The following PTPN14 variants were observed in gnomAD, a reference collection of about 807,000 sequenced individuals.
PTPN14 encodes the protein protein tyrosine phosphatase non-receptor type 14.
PTPN14 carries 53 observed loss-of-function variants against 126.8 expected under a neutral mutation model. That is an observed-to-expected ratio of 0.42 (90% CI 0.34 to 0.53). PTPN14 has a LOEUF of 0.53. Ranked by LOEUF, PTPN14 falls within the 20% of genes least tolerant of loss-of-function variation. PTPN14 has a pLI of 0.08. For synonymous variants in PTPN14, 630 were observed against 599.3 expected, an observed-to-expected ratio of 1.05 and a Z score of -0.75; for missense variants, 1,257 against 1,552.9, an observed-to-expected ratio of 0.81 and a Z score of 3.20.
chr1:214,542,899 T>G (rs910292164), intron 1 of PTPN14, among the ~76,000 whole-genome samples: 1 of 152,212 alleles, frequency 6.6e-6, no homozygotes. Context: ...TTCACTTTCA[T>G]GACCATGAAA....
chr1:214,359,522 C>T (rs918290625), intron 18 of PTPN14, among the ~76,000 whole-genome samples: 3 of 151,844 alleles, frequency 2.0e-5, no homozygotes, highest in Admixed American at 2.0e-4. Context: ...TGCGCCTGGC[C>T]GAGAACACCT....
chr1:214,477,986 A>G (rs1660902459), intron 1 of PTPN14, among the ~76,000 whole-genome samples: 1 of 152,262 alleles, frequency 6.6e-6, no homozygotes, highest in Admixed American at 6.5e-5. Flanking sequence ...AGAAATCCAC[A>G]GAAAAATACA....
chr1:214,418,143 T>C lies in PTPN14; in HGVS notation c.345-3417A>G, dbSNP rs150802529. Among the ~76,000 whole-genome samples, 346 of 152,304 alleles carry C rather than the reference T, an allele frequency of 2.3e-3. 2 individuals carry two copies. Among genetic ancestry groups the C allele is most frequent in the Non-Finnish European group, 1.9e-3 (128 of 68,032 alleles). ...CCCAAGCAAAAGTGTCCAGAGCCAG[T>C]GACCGGTTCTCCACCTCTGCTTCCC... is the stretch of plus-strand genomic sequence containing the variant. On this transcript the variant is annotated intron_variant, in intron 3 of 18. Transcript: ENST00000366956.
chr1:214,486,022 G>C (rs144275548), intron 1 of PTPN14, among the ~76,000 whole-genome samples: 1 of 152,074 alleles, frequency 6.6e-6, no homozygotes, highest in Non-Finnish European at 1.5e-5. Flanking sequence ...CACCGCACCC[G>C]GCCTAGTCTT....
chr1:214,525,816 A>T (rs6662947), intron 1 of PTPN14, among the ~76,000 whole-genome samples: 25,180 of 152,112 alleles, frequency 0.17, 3,171 homozygotes, highest in African/African-American at 0.34. Context: ...ACAGGCGTGC[A>T]CTTTCCACTA....
chr1:214,386,205 G>C (rs1658605253), intron 12 of PTPN14, among the ~76,000 whole-genome samples: 1 of 152,126 alleles, frequency 6.6e-6, no homozygotes, highest in Non-Finnish European at 1.5e-5. Flanking sequence ...GATGACATAA[G>C]ACAATATATA....
chr1:214,424,523 A>G (rs909881939), intron 3 of PTPN14, among the ~76,000 whole-genome samples: 1 of 147,400 alleles, frequency 6.8e-6, no homozygotes, highest in Non-Finnish European at 1.5e-5. Context: ...GGGACACCCC[A>G]CTTTCTTTCT....
chr1:214,495,701 T>G (rs1050414151), intron 1 of PTPN14, among the ~76,000 whole-genome samples: 29 of 135,112 alleles, frequency 2.1e-4, no homozygotes, highest in Non-Finnish European at 4.4e-4. Flanking sequence ...ATTTATTTAT[T>G]TATTTACTTC....
chr1:214,402,851 G>A, intron 6 of PTPN14, 32 bp downstream of exon 6: 1 of 1,607,878 alleles, frequency 6.2e-7, no homozygotes, highest in Non-Finnish European at 8.5e-7. Context: ...CATCTGTTGT[G>A]CAGGCAGCCC....
chr1:214,434,106 T>A (rs902616051), intron 3 of PTPN14, among the ~76,000 whole-genome samples: 2 of 151,996 alleles, frequency 1.3e-5, no homozygotes, highest in African/African-American at 4.8e-5. Context: ...TACTCCAGCC[T>A]GGGCAACAGA....
intron 3 of PTPN14, among the ~76,000 whole-genome samples, chr1:214,419,541 T>G (rs1659497357): frequency 6.6e-6 from 1 of 152,186 alleles, no homozygotes; most frequent in Non-Finnish European, 1.5e-5. Context: ...GAAAACTTTC[T>G]TCATAACTAG....
chr1:214,398,462 G>A (rs1658937548), intron 7 of PTPN14, among the ~76,000 whole-genome samples: 1 of 152,062 alleles, frequency 6.6e-6, no homozygotes, highest in East Asian at 1.9e-4. Flanking sequence ...TTGTTTGTTT[G>A]TTTTGAAACA....
intron 2 of PTPN14, among the ~76,000 whole-genome samples, chr1:214,453,327 T>C (rs746336357): frequency 1.3e-5 from 2 of 152,148 alleles, no homozygotes; most frequent in Non-Finnish European, 2.9e-5. Context: ...CCAACCTGAG[T>C]GATGACATAG....
At chr1:214,460,658 C>T (rs4655251) in intron 2 of PTPN14, among the ~76,000 whole-genome samples, 125,410 of 151,400 alleles carry the variant, frequency 0.83, 52,040 homozygotes, top group African/African-American at 0.89. Flanking sequence ...AACTGAATTC[C>T]GCCTTTCCCT....
chr1:214,392,230 G>C (rs1658772347), intron 10 of PTPN14, among the ~76,000 whole-genome samples: 1 of 152,132 alleles, frequency 6.6e-6, no homozygotes, highest in African/African-American at 2.4e-5. Flanking sequence ...ATAATTTTGA[G>C]AGCGTGCCCC....
rs997954760 is a variant in PTPN14, at chr1:214,390,867, G to A, written c.987+121C>T. On this transcript the variant is annotated intron_variant, in intron 11 of 18. Coordinates refer to ENST00000366956, the MANE Select transcript of PTPN14 (RefSeq NM_005401.5). ...CATCGCATCTGCTTGACAGAATGAC[G>A]CCTCTGTGTTCTCACAAAATTTCAC... 5.8e-5 allele frequency: 43 copies of A among 738,892 alleles called. No homozygotes were observed. In the Admixed American group the frequency reaches 1.4e-3, roughly 23 times the overall value. The allele number at this position is 738,892 out of a possible 1,614,324, so 45.8% of individuals were successfully genotyped here. A position where few individuals can be genotyped will look rare whatever the true frequency, so the allele number is the denominator to read the frequency against.
intron 1 of PTPN14, among the ~76,000 whole-genome samples, chr1:214,523,442 C>T: frequency 6.6e-6 from 1 of 152,204 alleles, no homozygotes; most frequent in East Asian, 1.9e-4. Flanking sequence ...TATGTTACAA[C>T]TGTCTACAGT....
chr1:214,416,922 T>C (rs1015053484), intron 3 of PTPN14, among the ~76,000 whole-genome samples: 3 of 152,050 alleles, frequency 2.0e-5, no homozygotes, highest in Non-Finnish European at 4.4e-5. Flanking sequence ...GATTCAATTA[T>C]AACAGTAGTA....
intron 1 of PTPN14, among the ~76,000 whole-genome samples, chr1:214,471,027 A>C: frequency 1.3e-4 from 1 of 7,872 alleles, no homozygotes; most frequent in East Asian, 4.8e-3. Flanking sequence ...TTCCATCTCA[A>C]AAAAAAAAAA....
Sources: gnomAD v4.1 joint callset for allele counts (sites outside exome capture counted in the v4.1 genomes callset) on GRCh38, gnomAD v4.1.1 for gene constraint, MANE v1.5 for transcripts, NCBI Gene and HGNC (gene_info 2026-07-23, HGNC 2026-07-21) for gene names.